The following PRPS2 variants were observed in gnomAD, a reference collection of about 807,000 sequenced individuals.
The protein encoded by PRPS2 is ribose-phosphate pyrophosphokinase 2.
For synonymous variants in PRPS2, 111 were observed against 115.3 expected (o/e 0.96, Z 0.24); for missense variants, 104 against 271.5 (o/e 0.38, Z 4.34).
At chrX:12,817,263 GT>G (rs922836503) in intron 4 of PRPS2, among the ~76,000 whole-genome samples, 2 of 110,630 alleles carry the variant, frequency 1.8e-5, no homozygotes, top group African/African-American at 6.6e-5. Flanking sequence ...GTTGCATAGG[GT>G]TTTTTTATGC....
chrX:12,792,765 G>A (rs1297687181), intron 1 of PRPS2, among the ~76,000 whole-genome samples: 2 of 112,518 alleles, frequency 1.8e-5, no homozygotes, highest in East Asian at 5.5e-4. Flanking sequence ...ACTTTGAAGT[G>A]GATCATAGAC....
intron 2 of PRPS2, among the ~76,000 whole-genome samples, chrX:12,801,534 C>G (rs1350030754): frequency 8.9e-6 from 1 of 112,319 alleles, no homozygotes; most frequent in Non-Finnish European, 1.9e-5. Flanking sequence ...CATAGAAGAG[C>G]TAATTTTCTG....
rs1303167927 is a variant in PRPS2, at chrX:12,823,638, AAAT to A, written c.*846_*848del. 8.9e-6 allele frequency: 1 copy of A among 112,325 alleles called. No homozygotes were observed. Among genetic ancestry groups the A allele is most frequent in the East Asian group, 2.7e-4 (1 of 3,640 alleles). The allele number at this position is 112,325 out of a possible 1,213,427, so 9.3% of individuals were successfully genotyped here. ...CTAAGAATGTATAGAGCTAGTTTTA[AAAT>A]AATGATCTCAGATTTTTAAAAAGGA... On this transcript the variant is annotated 3_prime_UTR_variant, in exon 7 of 7. Coordinates refer to ENST00000380668, the MANE Select transcript of PRPS2 (RefSeq NM_002765.5).
At chrX:12,800,703 A>G (rs1394837445) in intron 2 of PRPS2, among the ~76,000 whole-genome samples, 1 of 111,905 alleles carries the variant, frequency 8.9e-6, no homozygotes, top group Non-Finnish European at 1.9e-5. Context: ...GAAACAACAC[A>G]GATTTCTGAA....
At chrX:12,792,937 A>G (rs1357910038) in intron 1 of PRPS2, among the ~76,000 whole-genome samples, 1 of 112,412 alleles carries the variant, frequency 8.9e-6, no homozygotes. Flanking sequence ...GACTTCTTCC[A>G]GGTGGCAAAT....
At chrX:12,802,558 C>T (rs1013134222) in intron 2 of PRPS2, among the ~76,000 whole-genome samples, 1 of 111,211 alleles carries the variant, frequency 9.0e-6, no homozygotes, top group African/African-American at 3.3e-5. Flanking sequence ...AGGCTGGTCT[C>T]GAACTCCTGG....
intron 2 of PRPS2, 36 bp downstream of exon 2, chrX:12,799,426 G>T: frequency 8.6e-7 from 1 of 1,159,089 alleles, no homozygotes; most frequent in Non-Finnish European, 1.2e-6. Context: ...CCTGCTGTGG[G>T]CCACTGTCAA....
chrX:12,795,413 G>A (rs765600127), intron 1 of PRPS2, among the ~76,000 whole-genome samples: 3 of 111,595 alleles, frequency 2.7e-5, no homozygotes, highest in South Asian at 7.5e-4. Context: ...TACTGTACTT[G>A]ATTTCTGCTG....
chrX:12,808,288 C>CTGTGTGTGTGTGTGTGTGTGTGTGTG (rs60881280), intron 2 of PRPS2, among the ~76,000 whole-genome samples: 1 of 102,382 alleles, frequency 9.8e-6, no homozygotes, highest in African/African-American at 3.5e-5. Context: ...CATGAATATA[C>CTGTGTGTGTGTGTGTGTGTGTGTGTG]TGTGTGTGTG....
At chrX:12,791,712 G>A in intron 1 of PRPS2, 93 bp downstream of exon 1, 1 of 784,216 alleles carries the variant, frequency 1.3e-6, no homozygotes, top group Non-Finnish European at 1.5e-6. Flanking sequence ...GGCCACCTCC[G>A]CGGACGCCGC....
chrX:12,809,025 C>A (rs908887085), intron 2 of PRPS2, among the ~76,000 whole-genome samples: 2 of 112,298 alleles, frequency 1.8e-5, no homozygotes, highest in Non-Finnish European at 3.8e-5. Flanking sequence ...CAGCGTCAAG[C>A]ACTTAGTTTT....
intron 1 of PRPS2, among the ~76,000 whole-genome samples, chrX:12,792,418 G>A: frequency 8.9e-6 from 1 of 112,156 alleles, no homozygotes; most frequent in Non-Finnish European, 1.9e-5. Context: ...GCTGTGTCCA[G>A]CAACAACGCC....
intron 2 of PRPS2, among the ~76,000 whole-genome samples, chrX:12,803,445 G>A (rs751111929): frequency 2.8e-4 from 31 of 112,242 alleles, no homozygotes; most frequent in Non-Finnish European, 5.8e-4. Context: ...ACACCACCAC[G>A]CCTGGCTAAT....
chrX:12,797,398 TG>T (rs2042549954), intron 1 of PRPS2, among the ~76,000 whole-genome samples: 2 of 110,215 alleles, frequency 1.8e-5, no homozygotes, highest in African/African-American at 6.6e-5. Context: ...ATGACAGAGA[TG>T]GAACTTTCCA....
At chrX:12,796,093 C>T (rs892378686) in intron 1 of PRPS2, among the ~76,000 whole-genome samples, 88 of 111,337 alleles carry the variant, frequency 7.9e-4, no homozygotes, top group African/African-American at 2.8e-3. Flanking sequence ...GTTGCCCAGG[C>T]TGGACTAGAA....
chrX:12,801,214 G>A (rs901922750), intron 2 of PRPS2, among the ~76,000 whole-genome samples: 6 of 91,145 alleles, frequency 6.6e-5, no homozygotes, highest in Non-Finnish European at 1.1e-4. Flanking sequence ...GATAGATTGC[G>A]TGCGCACGTG....
intron 4 of PRPS2, among the ~76,000 whole-genome samples, chrX:12,812,023 C>G (rs2042626438): frequency 8.9e-6 from 1 of 111,999 alleles, no homozygotes; most frequent in African/African-American, 3.2e-5. Flanking sequence ...TGGAGGGCAG[C>G]GCTGTGTCAC....
chrX:12,815,542 T>C (rs766531685), intron 4 of PRPS2, among the ~76,000 whole-genome samples: 4 of 111,914 alleles, frequency 3.6e-5, no homozygotes, highest in Admixed American at 2.8e-4. Flanking sequence ...TCATGTGTCT[T>C]GGGAAAACCT....
chrX:12,810,685 C>G (rs2042619218), intron 4 of PRPS2, among the ~76,000 whole-genome samples: 1 of 109,986 alleles, frequency 9.1e-6, no homozygotes, highest in Admixed American at 9.7e-5. Flanking sequence ...TGGAAACCCC[C>G]ATAAAGAAGG....
Sources: allele counts gnomAD v4.1 joint callset (sites outside exome capture counted in the v4.1 genomes callset), GRCh38; gene constraint gnomAD v4.1.1; transcripts MANE v1.5; gene names NCBI Gene and HGNC (gene_info 2026-07-23, HGNC 2026-07-21).